Variants in L3MBTL4 observed in about 807,000 individuals in gnomAD.
L3MBTL4 encodes the protein L3MBTL histone methyl-lysine binding protein 4.
L3MBTL4 carries 70 observed loss-of-function variants against 84.5 expected under a neutral mutation model. The observed-to-expected ratio is 0.83, with a 90% confidence interval of 0.68 to 1.01. The LOEUF is 1.01. Ranked by LOEUF, L3MBTL4 falls within the 50% of genes least tolerant of loss-of-function variation. The pLI, the probability that L3MBTL4 is intolerant of heterozygous loss-of-function variation, is 0.00. For synonymous variants in L3MBTL4, 274 were observed against 259.8 expected, an observed-to-expected ratio of 1.05 and a Z score of -0.52; for missense variants, 715 against 754.8, an observed-to-expected ratio of 0.95 and a Z score of 0.62.
chr18:6,161,708 G>A (rs560243601), intron 13 of L3MBTL4, among the ~76,000 whole-genome samples: 9 of 152,188 alleles, frequency 5.9e-5, no homozygotes, highest in South Asian at 2.1e-4. Context: ...CAGGCCCGGC[G>A]TGCTCATCTG....
intron 16 of L3MBTL4, among the ~76,000 whole-genome samples, chr18:5,982,966 A>T (rs929680122): frequency 1.3e-5 from 2 of 152,222 alleles, no homozygotes; most frequent in African/African-American, 4.8e-5. Context: ...ACCGAGGGGC[A>T]ATTGAGGAAA....
intron 1 of L3MBTL4, among the ~76,000 whole-genome samples, chr18:6,410,654 C>A (rs1239549788): frequency 1.3e-5 from 2 of 151,832 alleles, no homozygotes; most frequent in Non-Finnish European, 3.0e-5. Flanking sequence ...TAAACACATT[C>A]TCTCTGGCTA....
intron 16 of L3MBTL4, among the ~76,000 whole-genome samples, chr18:6,009,625 C>T (rs938638366): frequency 1.3e-5 from 2 of 152,124 alleles, no homozygotes; most frequent in African/African-American, 4.8e-5. Context: ...CACACCCTCC[C>T]GTATACCTGT....
intron 16 of L3MBTL4, among the ~76,000 whole-genome samples, chr18:5,999,783 C>T (rs2145244122): frequency 6.6e-6 from 1 of 152,314 alleles, no homozygotes; most frequent in Non-Finnish European, 1.5e-5. Flanking sequence ...TGGCCGATCT[C>T]CTGGGTGGCC....
chr18:6,080,822 T>G, intron 16 of L3MBTL4, 59 bp downstream of exon 16: 1 of 1,244,158 alleles, frequency 8.0e-7, no homozygotes, highest in Non-Finnish European at 1.1e-6. Flanking sequence ...GTCAAACAAA[T>G]AAGACATTCT....
intron 1 of L3MBTL4, among the ~76,000 whole-genome samples, chr18:6,372,170 A>C (rs1009541069): frequency 5.9e-5 from 9 of 152,166 alleles, no homozygotes; most frequent in African/African-American, 2.2e-4. Context: ...CCTGGGAAAG[A>C]CTAGGCTTAT....
intron 16 of L3MBTL4, among the ~76,000 whole-genome samples, chr18:6,051,230 A>G (rs1210418665): frequency 6.6e-6 from 1 of 152,212 alleles, no homozygotes; most frequent in Non-Finnish European, 1.5e-5. Context: ...GTCTGCATGA[A>G]TATCTCCATT....
At chr18:6,360,621 A>G (rs377113308) in intron 1 of L3MBTL4, among the ~76,000 whole-genome samples, 8 of 152,194 alleles carry the variant, frequency 5.3e-5, no homozygotes, top group African/African-American at 1.9e-4. Context: ...TCAAATCATA[A>G]TCCCCAATGT....
At chr18:6,190,372 C>A (rs890513190) in intron 12 of L3MBTL4, among the ~76,000 whole-genome samples, 4 of 152,138 alleles carry the variant, frequency 2.6e-5, no homozygotes, top group Non-Finnish European at 4.4e-5. Flanking sequence ...CGGGTAGATA[C>A]ATATGTAAAA....
At position 6,027,938 on chromosome 18, in the gene L3MBTL4, C is replaced by T. The variant is rs1327384870; in HGVS notation, c.1444+52943G>A. Among the ~76,000 whole-genome samples the T allele has an allele frequency of 3.9e-5, 6 of 152,114 alleles. No homozygotes were observed. In the East Asian group the frequency reaches 1.2e-3, roughly 29 times the overall value. On this transcript the variant is annotated intron_variant, in intron 16 of 18. Transcript: ENST00000317931. Reference sequence around the variant, plus strand: ...TTCCTTGTAAATTCTGGATATTAGACCTTTGTTAGATGGGTAGTTTGCAAA... The same window carrying T: ...TTCCTTGTAAATTCTGGATATTAGATCTTTGTTAGATGGGTAGTTTGCAAA...
At chr18:6,100,667 G>A (rs983458772) in intron 14 of L3MBTL4, among the ~76,000 whole-genome samples, 16 of 152,326 alleles carry the variant, frequency 1.1e-4, no homozygotes, top group Admixed American at 2.6e-4. Flanking sequence ...GCACTTCCTC[G>A]TAGTTGCCAT....
At chr18:5,991,322 C>T (rs2053688506) in intron 16 of L3MBTL4, among the ~76,000 whole-genome samples, 2 of 152,154 alleles carry the variant, frequency 1.3e-5, no homozygotes, top group African/African-American at 2.4e-5. Flanking sequence ...TTGCCAGTGC[C>T]TTGCATACAG....
chr18:6,404,666 T>A (rs775761904), intron 1 of L3MBTL4, among the ~76,000 whole-genome samples: 10 of 151,350 alleles, frequency 6.6e-5, no homozygotes, highest in Non-Finnish European at 1.2e-4. Flanking sequence ...CAAAATAATT[T>A]ATAAGCAATT....
At chr18:6,277,611 C>T (rs2049144431) in intron 4 of L3MBTL4, among the ~76,000 whole-genome samples, 1 of 152,084 alleles carries the variant, frequency 6.6e-6, no homozygotes, top group Admixed American at 6.6e-5. Context: ...TGTGGGAGAG[C>T]TGTCATGTTT....
chr18:6,252,145 C>T (rs2047949753), intron 5 of L3MBTL4, among the ~76,000 whole-genome samples: 1 of 152,148 alleles, frequency 6.6e-6, no homozygotes, highest in African/African-American at 2.4e-5. Context: ...AACCCCGTCT[C>T]TACTAAAAAT....
chr18:6,006,095 T>C (rs2054471086), intron 16 of L3MBTL4, among the ~76,000 whole-genome samples: 1 of 152,118 alleles, frequency 6.6e-6, no homozygotes, highest in South Asian at 2.1e-4. Context: ...TATGTCTAAG[T>C]TGTCCTTCAA....
chr18:6,277,510 C>A (rs554954493), intron 4 of L3MBTL4, among the ~76,000 whole-genome samples: 1 of 152,216 alleles, frequency 6.6e-6, no homozygotes, highest in East Asian at 1.9e-4. Context: ...ACTATACCAC[C>A]AGAACGTTGG....
intron 12 of L3MBTL4, among the ~76,000 whole-genome samples, chr18:6,202,513 T>C (rs1322694885): frequency 1.3e-5 from 2 of 152,106 alleles, no homozygotes; most frequent in Non-Finnish European, 2.9e-5. Context: ...AGAAACAAGC[T>C]AGGAGGTGTC....
intron 17 of L3MBTL4, among the ~76,000 whole-genome samples, chr18:5,968,882 G>A (rs1305751376): frequency 6.6e-6 from 1 of 152,130 alleles, no homozygotes; most frequent in Non-Finnish European, 1.5e-5. Context: ...TCATCTTGTA[G>A]CTTTAGATGA....
Sources: gnomAD v4.1 joint callset for allele counts (sites outside exome capture counted in the v4.1 genomes callset) on GRCh38, gnomAD v4.1.1 for gene constraint, MANE v1.5 for transcripts, NCBI Gene and HGNC (gene_info 2026-07-23, HGNC 2026-07-21) for gene names.